The following CSRP2 variants were observed in gnomAD, a reference collection of about 807,000 sequenced individuals.
CSRP2 encodes cysteine and glycine-rich protein 2.
CSRP2 carries 18 observed loss-of-function variants against 24.6 expected under a neutral mutation model. The observed-to-expected ratio is 0.73, with a 90% CI of 0.51 to 1.09. The LOEUF is 1.09. CSRP2 is among the 50% of genes least tolerant of loss of function. The pLI is 0.00. For missense variants in CSRP2, 215 were observed against 239.4 expected (o/e 0.90, Z 0.67); for synonymous variants, 87 against 84.3 (o/e 1.03, Z -0.18).
rs398020213 is a variant in CSRP2 at position 76,870,975 on chromosome 12, CAA to C, written c.-1-4716_-1-4715del. On this transcript the variant is annotated intron_variant, in intron 1 of 5. Transcript: ENST00000311083. ...GCAACAGAGCAAGATGACCCTGTCT[CAA>C]AAAAAAAAAAAAAAAAAAAAAAAGT... Among the ~76,000 whole-genome samples, 15 of 57,176 alleles carry C rather than the reference CAA, an allele frequency of 2.6e-4. No individual in the cohort carries two copies. The South Asian group carries it at 2.7e-3, about 10-fold the overall frequency. 37.5% of individuals were successfully genotyped at this position (57,176 alleles called of 152,430 possible).
Position 76,858,977 on chromosome 12 carries a change from G to A in CSRP2, c.557C>T (p.Ala186Val). 1.9e-6 allele frequency: 3 copies of A among 1,614,186 alleles called. No homozygotes were observed. Among genetic ancestry groups the A allele is most frequent in the East Asian group, 2.2e-5 (1 of 44,876 alleles). ...TTACTGGGCATGAACAAGAGCCCCT[G>A]CTCCTTGGCCATAGCCAAATCCCTT... ...GPKGFGYGQGAGALVHAQ is the reference protein window; with the variant it reads ...GPKGFGYGQGVGALVHAQ The change falls in exon 6 of 6, where the codon GCA becomes GTA. Residue 186 changes from alanine (A) to valine (V), a missense_variant. Transcript: ENST00000311083.
rs567930922 is a variant in CSRP2 at position 76,866,228 on chromosome 12, C to T, written c.33G>A (p.Gly11=). Reference sequence around the variant, plus strand: ...CGTGGTACACGGTCCTCCCACAGGCCCCACACTTGTTTCCACCTCCCCAGA... The same window carrying T: ...CGTGGTACACGGTCCTCCCACAGGCTCCACACTTGTTTCCACCTCCCCAGA... MPVWGGGNKC[G]ACGRTVYHAE... Residue 11 remains glycine, a synonymous_variant, in exon 2 of 6, where the codon GGG becomes GGA. Coordinates refer to ENST00000311083, the MANE Select transcript of CSRP2 (RefSeq NM_001321.3). 11 of 1,614,084 alleles carry T rather than the reference C, an allele frequency of 6.8e-6. No individual in the cohort carries two copies. In the African/African-American group the frequency reaches 1.5e-4, roughly 22 times the overall value.
chr12:76,863,294 C>T lies in CSRP2; in HGVS notation c.163G>A (p.Glu55Lys). Reference protein sequence around the residue: ...DSTTVAIHDEEIYCKSCYGKK... With the variant: ...DSTTVAIHDEKIYCKSCYGKK... ...CCGTAGCAGGATTTGCAGTAGATCT[C>T]TTCATCGTGAATTGCCACTGTTGTG... The change falls in exon 3 of 6, where the codon GAG becomes AAG. Residue 55 changes from glutamate to lysine, a missense_variant. Transcript: ENST00000311083. The T allele has an allele frequency of 2.5e-6, 4 of 1,614,230 alleles. No individual in the cohort carries two copies. The South Asian group carries it at 3.3e-5, about 13-fold the overall frequency.
chr12:76,878,744 AAG>A lies in CSRP2; in HGVS notation c.-2+192_-2+193del, dbSNP rs1417304048. Among the ~76,000 whole-genome samples, 12 of 152,180 alleles carry A rather than the reference AAG, an allele frequency of 7.9e-5. 1 individual carries two copies. The highest frequency in any genetic ancestry group is 7.2e-4 in the Admixed American group (11 of 15,286). ...ACAAGGGCAGGTGTGTTTGGGGGAT[AAG>A]AGAGAGAAAATCTGGGGCGCAGGGA... On this transcript the variant is annotated intron_variant, in intron 1 of 5. Transcript: ENST00000311083.
chr12:76,868,280 G>A (rs749644885), intron 1 of CSRP2, among the ~76,000 whole-genome samples: 3 of 152,148 alleles, frequency 2.0e-5, no homozygotes, highest in Non-Finnish European at 4.4e-5. Flanking sequence ...GATATGGTTT[G>A]GCTGTGTCCC....
intron 1 of CSRP2, among the ~76,000 whole-genome samples, chr12:76,876,554 T>C (rs1953853020): frequency 6.6e-6 from 1 of 152,176 alleles, no homozygotes; most frequent in Non-Finnish European, 1.5e-5. Context: ...TTACGTCATT[T>C]TGAGAAGGGG....
At chr12:76,859,427 T>A (rs1457572044) in intron 5 of CSRP2, 120 bp downstream of exon 5, 1 of 699,650 alleles carries the variant, frequency 1.4e-6, no homozygotes, top group African/African-American at 1.8e-5. Context: ...TTGGGATATT[T>A]TATTTTCAGA....
At chr12:76,864,643 G>C (rs984630624) in intron 2 of CSRP2, 1 of 22,584 alleles carries the variant, frequency 4.4e-5, no homozygotes, top group African/African-American at 1.5e-4. Flanking sequence ...AAAATAAAAG[G>C]GGGGGGGTTG....
At chr12:76,864,291 G>A (rs1442395399) in intron 2 of CSRP2, 2 of 152,192 alleles carry the variant, frequency 1.3e-5, no homozygotes, top group Non-Finnish European at 2.9e-5. Flanking sequence ...AAAGACAATT[G>A]TATGATGATT....
At chr12:76,876,475 T>A (rs1444686118) in intron 1 of CSRP2, among the ~76,000 whole-genome samples, 1 of 152,228 alleles carries the variant, frequency 6.6e-6, no homozygotes, top group South Asian at 2.1e-4. Flanking sequence ...TAATTCAGGA[T>A]TCTTAACCCA....
chr12:76,869,167 TCC>T (rs1177786900), intron 1 of CSRP2, among the ~76,000 whole-genome samples: 1 of 152,052 alleles, frequency 6.6e-6, no homozygotes, highest in Non-Finnish European at 1.5e-5. Context: ...CAATGCAGCA[TCC>T]TCTGGAGGCC....
chr12:76,862,800 G>T, intron 3 of CSRP2: 1 of 1,440,078 alleles, frequency 6.9e-7, no homozygotes, highest in Non-Finnish European at 9.1e-7. Context: ...AATTTTCATT[G>T]GCTGCTTACA....
chr12:76,865,960 G>T (rs1953730593), intron 2 of CSRP2, 189 bp downstream of exon 2: 1 of 581,222 alleles, frequency 1.7e-6, no homozygotes, highest in Non-Finnish European at 3.1e-6. Flanking sequence ...GGGAGGCTGG[G>T]TGTCTTGGGC....
At chr12:76,875,637 T>C (rs949424256) in intron 1 of CSRP2, among the ~76,000 whole-genome samples, 5 of 152,230 alleles carry the variant, frequency 3.3e-5, no homozygotes, top group African/African-American at 4.8e-5. Context: ...AGGTTGTTCA[T>C]TTGATCTGCT....
intron 1 of CSRP2, among the ~76,000 whole-genome samples, chr12:76,876,477 C>A (rs1953852390): frequency 6.6e-6 from 1 of 152,208 alleles, no homozygotes; most frequent in South Asian, 2.1e-4. Flanking sequence ...ATTCAGGATT[C>A]TTAACCCAAA....
Position 76,858,880 on chromosome 12 carries a change from G to A in CSRP2, c.*72C>T. 2 of 1,321,914 alleles carry A rather than the reference G, an allele frequency of 1.5e-6. No homozygotes were observed. Among genetic ancestry groups the A allele is most frequent in the Non-Finnish European group, 2.2e-6 (2 of 915,946 alleles). The allele number at this position is 1,321,914 out of a possible 1,614,324, so 81.9% of individuals were successfully genotyped here. ...GCTGGTAGAATTTCACAGTAGTTTA[G>A]TGTTAAAGATTATCTGTGCCTAGAT... On this transcript the variant is annotated 3_prime_UTR_variant, in exon 6 of 6. Transcript: ENST00000311083.
intron 1 of CSRP2, among the ~76,000 whole-genome samples, chr12:76,868,385 C>A (rs951288848): frequency 6.6e-6 from 1 of 151,710 alleles, no homozygotes; most frequent in Non-Finnish European, 1.5e-5. Flanking sequence ...GCGAGTCTTT[C>A]GCGTGCTGGT....
Position 76,860,410 on chromosome 12 carries a change from A to G in CSRP2, c.285T>C (p.Val95=). 6.3e-7 allele frequency: 1 copy of G among 1,596,256 alleles called. No homozygotes were observed. Among genetic ancestry groups the G allele is most frequent in the Non-Finnish European group, 8.5e-7 (1 of 1,173,556 alleles). Residue 95 remains valine (V), a synonymous_variant, in exon 4 of 6, where the codon GTT becomes GTC. Coordinates refer to ENST00000311083, the MANE Select transcript of CSRP2 (RefSeq NM_001321.3). ...GERLGIKPES[V]QPHRPTTNPN... Reference sequence around the variant, plus strand: ...GATTTGTTGTAGGCCTGTGAGGCTGAACACTTGTGAAAAGAGGAAAAAAAA... The same window carrying G: ...GATTTGTTGTAGGCCTGTGAGGCTGGACACTTGTGAAAAGAGGAAAAAAAA...
intron 1 of CSRP2, among the ~76,000 whole-genome samples, chr12:76,872,862 G>C (rs532550490): frequency 6.6e-6 from 1 of 152,022 alleles, no homozygotes; most frequent in South Asian, 2.1e-4. Context: ...ACCACTCCAC[G>C]TGTGTCCGTG....
Sources: gnomAD v4.1 joint callset for allele counts (sites outside exome capture counted in the v4.1 genomes callset) on GRCh38, gnomAD v4.1.1 for gene constraint, MANE v1.5 for transcripts, NCBI Gene and HGNC (gene_info 2026-07-23, HGNC 2026-07-21) for gene names.